TNR: variants seen among roughly 807,000 people sequenced by gnomAD.
The protein encoded by TNR is tenascin-R.
A neutral mutation model predicts 150.4 loss-of-function variants in TNR; 45 were observed. The observed-to-expected ratio is 0.30, with a 90% CI of 0.24 to 0.38. The LOEUF (loss-of-function observed/expected upper bound fraction) is 0.38, where lower values mean the gene tolerates loss of function less well. Ranked by LOEUF, TNR falls within the 10% of genes least tolerant of loss-of-function variation. TNR has a pLI of 1.00. For missense variants in TNR, 1,544 were observed against 1,759.1 expected (o/e 0.88, Z 2.19); for synonymous variants, 687 against 678.4 (o/e 1.01, Z -0.20).
chr1:175,683,586 T>C (rs1666103986), intron 1 of TNR, among the ~76,000 whole-genome samples: 1 of 152,200 alleles, frequency 6.6e-6, no homozygotes, highest in Admixed American at 6.5e-5. Flanking sequence ...CCTATCTTCT[T>C]TCCCCAGCCC....
intron 2 of TNR, among the ~76,000 whole-genome samples, chr1:175,417,007 C>CA (rs1306794282): frequency 1.1e-4 from 2 of 17,444 alleles, no homozygotes; most frequent in African/African-American, 4.4e-4. Flanking sequence ...GACTCCATCT[C>CA]AAAAAAAGAA....
intron 1 of TNR, among the ~76,000 whole-genome samples, chr1:175,677,072 T>C (rs1665886887): frequency 6.6e-6 from 1 of 152,220 alleles, no homozygotes; most frequent in East Asian, 1.9e-4. Context: ...AGGGGAATGC[T>C]TTTTCTACTT....
intron 20 of TNR, among the ~76,000 whole-genome samples, chr1:175,331,171 T>TTTCTTTC (rs1649892059): frequency 2.2e-5 from 1 of 45,754 alleles, no homozygotes; most frequent in African/African-American, 6.7e-5. Flanking sequence ...CTTTCCTTCC[T>TTTCTTTC]TCCTTCCTTC....
intron 2 of TNR, among the ~76,000 whole-genome samples, chr1:175,523,588 T>A (rs190927692): frequency 7.2e-5 from 11 of 152,332 alleles, no homozygotes; most frequent in Admixed American, 7.2e-4. Flanking sequence ...AGATAACATC[T>A]GTTTGGGTGG....
chr1:175,655,633 T>C (rs772837786), intron 1 of TNR, among the ~76,000 whole-genome samples: 1 of 152,242 alleles, frequency 6.6e-6, no homozygotes, highest in Admixed American at 6.5e-5. Flanking sequence ...CTGTGAAGTA[T>C]TATCTGTAAT....
At chr1:175,617,289 T>C (rs1571680774) in intron 1 of TNR, among the ~76,000 whole-genome samples, 1 of 152,208 alleles carries the variant, frequency 6.6e-6, no homozygotes, top group South Asian at 2.1e-4. Flanking sequence ...AGATTTACCC[T>C]TTTAGGTGTT....
chr1:175,440,682 C>T (rs952981470), intron 2 of TNR, among the ~76,000 whole-genome samples: 4 of 151,790 alleles, frequency 2.6e-5, no homozygotes, highest in Admixed American at 6.6e-5. Context: ...AAGTGAAGAC[C>T]ATGTTTCAGT....
intron 1 of TNR, among the ~76,000 whole-genome samples, chr1:175,676,934 A>G (rs1665883329): frequency 6.6e-6 from 1 of 152,214 alleles, no homozygotes; most frequent in African/African-American, 2.4e-5. Context: ...CACTGGGAGG[A>G]GGCAAGCATT....
intron 8 of TNR, among the ~76,000 whole-genome samples, chr1:175,382,881 A>G (rs1466307152): frequency 6.6e-6 from 1 of 151,164 alleles, no homozygotes; most frequent in Non-Finnish European, 1.5e-5. Flanking sequence ...AGACTGGGTG[A>G]CAGAGTGAGA....
intron 2 of TNR, among the ~76,000 whole-genome samples, chr1:175,419,288 T>C (rs1242165194): frequency 6.6e-6 from 1 of 152,212 alleles, no homozygotes; most frequent in Non-Finnish European, 1.5e-5. Flanking sequence ...CTTTTAAATG[T>C]GTTCAATCTG....
rs180924856 is a variant in TNR, at chr1:175,518,853, C to A, written c.-64+9416G>T. ...TACAGGTCCATTATCTTTATTATTA[C>A]CTCAGTTACAATCATAATTGCTACC... On this transcript the variant is annotated intron_variant, in intron 2 of 22. Coordinates refer to ENST00000367674, the MANE Select transcript of TNR (RefSeq NM_003285.3). Among the ~76,000 whole-genome samples, 606 of 152,294 alleles carry A rather than the reference C, an allele frequency of 4.0e-3. 1 individual carries two copies. Among genetic ancestry groups the A allele is most frequent in the African/African-American group, 0.012 (498 of 41,556 alleles).
chr1:175,417,774 A>T (rs1654566520), intron 2 of TNR, among the ~76,000 whole-genome samples: 1 of 152,328 alleles, frequency 6.6e-6, no homozygotes, highest in South Asian at 2.1e-4. Context: ...CAAATGACAG[A>T]TTCAAATATC....
chr1:175,344,435 T>C (rs1399139355), intron 18 of TNR, among the ~76,000 whole-genome samples: 3 of 152,332 alleles, frequency 2.0e-5, no homozygotes, highest in South Asian at 4.1e-4. Flanking sequence ...CTTTGGGAAG[T>C]CAGCACGAAT....
chr1:175,690,749 G>A (rs1398095177), intron 1 of TNR, among the ~76,000 whole-genome samples: 3 of 152,212 alleles, frequency 2.0e-5, no homozygotes, highest in Non-Finnish European at 4.4e-5. Context: ...GCGCAGAGAA[G>A]TATTGGAGTA....
intron 2 of TNR, among the ~76,000 whole-genome samples, chr1:175,446,437 G>A (rs1656047844): frequency 6.6e-6 from 1 of 152,068 alleles, no homozygotes. Context: ...TGAAATAAGG[G>A]TTGCCTTGTA....
intron 1 of TNR, among the ~76,000 whole-genome samples, chr1:175,715,461 C>G (rs1268427179): frequency 6.6e-6 from 1 of 152,180 alleles, no homozygotes; most frequent in Non-Finnish European, 1.5e-5. Flanking sequence ...TCTCTTTCAT[C>G]CATGATGAAG....
At position 175,627,716 on chromosome 1, in the gene TNR, A is replaced by G. The variant is rs558639812; in HGVS notation, c.-164-99347T>C. Among the ~76,000 whole-genome samples, 13 of 152,142 alleles carry G rather than the reference A, an allele frequency of 8.5e-5. No homozygotes were observed. The East Asian group carries it at 2.3e-3, about 27-fold the overall frequency. On this transcript the variant is annotated intron_variant, in intron 1 of 22. Coordinates refer to ENST00000367674, the MANE Select transcript of TNR (RefSeq NM_003285.3). ...CCCATCCTTACCCACCCCACCCCCAAAATGACTAAGATCAGTTCTACTTTC... is the reference window on the plus strand; with the variant it reads ...CCCATCCTTACCCACCCCACCCCCAGAATGACTAAGATCAGTTCTACTTTC...
At chr1:175,411,477 T>G (rs1271971813) in intron 2 of TNR, among the ~76,000 whole-genome samples, 1 of 152,070 alleles carries the variant, frequency 6.6e-6, no homozygotes, top group Admixed American at 6.5e-5. Context: ...TATTCTCTCA[T>G]AGTTCTGGTG....
intron 1 of TNR, among the ~76,000 whole-genome samples, chr1:175,706,857 A>G (rs1666855144): frequency 2.0e-5 from 3 of 152,322 alleles, no homozygotes; most frequent in African/African-American, 7.2e-5. Flanking sequence ...GTCTGTTTTG[A>G]AAGGTGAATC....
Sources: gnomAD v4.1 joint callset for allele counts (sites outside exome capture counted in the v4.1 genomes callset) on GRCh38, gnomAD v4.1.1 for gene constraint, MANE v1.5 for transcripts, NCBI Gene and HGNC (gene_info 2026-07-23, HGNC 2026-07-21) for gene names.